The following MRPL4 variants were observed in gnomAD, a reference collection of about 807,000 sequenced individuals.
MRPL4 encodes the protein mitochondrial ribosomal protein L4, also known as large ribosomal subunit protein uL4m.
In MRPL4, 34 loss-of-function variants were observed where a neutral mutation model predicts 34.1. That is an observed-to-expected ratio of 1.00 (90% CI 0.76 to 1.33). The LOEUF (loss-of-function observed/expected upper bound fraction) is 1.33, where lower values mean the gene tolerates loss of function less well. Among genes scored for constraint, MRPL4 ranks in the 40% most tolerant of loss-of-function variants. MRPL4 has a pLI of 0.00. For synonymous variants in MRPL4, 196 were observed against 188.3 expected, an observed-to-expected ratio of 1.04 and a Z score of -0.33; for missense variants, 402 against 434.6, an observed-to-expected ratio of 0.92 and a Z score of 0.67.
At position 10,252,621 on chromosome 19, in the gene MRPL4, G is replaced by A; in HGVS notation, c.195G>A (p.Trp65Ter). The change falls in exon 3 of 9, where the codon TGG becomes TGA. Residue 65 changes from tryptophan (W) to a stop codon, truncating the protein, a stop_gained. Coordinates refer to ENST00000253099, the MANE Select transcript of MRPL4 (RefSeq NM_015956.3). LOFTEE classifies it high-confidence loss of function. Reference protein sequence around the residue: ...VPTHRRPVQAWVESLRGFEQE... With the variant: ...VPTHRRPVQA Reference sequence around the variant, plus strand: ...CTCATCGACGCCCAGTGCAGGCCTGGGTCGAGTCCTTGCGGGGCTTCGAGC... The same window carrying A: ...CTCATCGACGCCCAGTGCAGGCCTGAGTCGAGTCCTTGCGGGGCTTCGAGC... The A allele has an allele frequency of 1.9e-6, 3 of 1,612,064 alleles. No homozygotes were observed. Among genetic ancestry groups the A allele is most frequent in the South Asian group, 1.1e-5 (1 of 91,076 alleles).
chr19:10,256,865 G>GGGGGGGGGGGGGGGGGGGGT, intron 5 of MRPL4, 40 bp downstream of exon 5: 1 of 842,938 alleles, frequency 1.2e-6, no homozygotes, highest in Admixed American at 3.2e-5. Flanking sequence ...GGGGTGGGGG[G>GGGGGGGGGGGGGGGGGGGGT]GCCAGGGAAG....
intron 3 of MRPL4, among the ~76,000 whole-genome samples, chr19:10,253,791 C>A (rs1372540231): frequency 9.6e-5 from 14 of 146,216 alleles, no homozygotes; most frequent in African/African-American, 2.3e-4. Context: ...GACTCCATCT[C>A]AAAAAAAAAA....
chr19:10,252,748 G>C lies in MRPL4; in HGVS notation c.275+47G>C, dbSNP rs1836713069. The C allele has an allele frequency of 2.5e-6, 4 of 1,575,098 alleles. No individual in the cohort carries two copies. In the Middle Eastern group the frequency reaches 6.7e-4, roughly 264 times the overall value. On this transcript the variant is annotated intron_variant, in intron 3 of 8. Transcript: ENST00000253099. ...GAACTGAGTGGCAGAGGGATGAAGA[G>C]CGGGATTTCAGGAGTCACGATGACT...
chr19:10,254,707 A>G, intron 4 of MRPL4, 67 bp downstream of exon 4: 1 of 1,573,728 alleles, frequency 6.4e-7, no homozygotes, highest in Non-Finnish European at 8.7e-7. Flanking sequence ...TAGGACCCAG[A>G]GGAAGCCCAT....
intron 2 of MRPL4, 29 bp from the exon 3 acceptor site, chr19:10,252,522 C>G (rs762201750): frequency 1.2e-6 from 2 of 1,613,552 alleles, no homozygotes; most frequent in Admixed American, 1.7e-5. Flanking sequence ...ACCCTTGACC[C>G]TAACCTCTGA....
chr19:10,256,854 A>AGGGGGGGGGGGGGGGG, intron 5 of MRPL4, 29 bp downstream of exon 5: 1 of 38,598 alleles, frequency 2.6e-5, no homozygotes, highest in Non-Finnish European at 4.7e-5. Flanking sequence ...GGGGGCGGGG[A>AGGGGGGGGGGGGGGGG]GGGGTGGGGG....
Position 10,256,801 on chromosome 19 carries a change from ATCCGCTC to A in MRPL4, c.430_436del (p.Pro144GlyfsTer22). 1 of 1,314,914 alleles carries A rather than the reference ATCCGCTC, an allele frequency of 7.6e-7. No individual in the cohort carries two copies. The highest frequency in any genetic ancestry group is 5.7e-5 in the East Asian group (1 of 17,498). The allele number at this position is 1,314,914 out of a possible 1,614,324, so 81.5% of individuals were successfully genotyped here. ...CACTGGGCGGGCCCGGCATGGCAGC[ATCCGCTC>A]TCCGCTCTGGCGAGGAGGTAACAGG... On this transcript the variant is annotated frameshift_variant, in exon 5 of 9. Coordinates refer to ENST00000253099, the MANE Select transcript of MRPL4 (RefSeq NM_015956.3). LOFTEE classifies it high-confidence loss of function.
intron 5 of MRPL4, 35 bp from the exon 6 acceptor site, chr19:10,258,184 AGTG>A: frequency 6.9e-7 from 1 of 1,452,264 alleles, no homozygotes; most frequent in Non-Finnish European, 9.6e-7. Context: ...CAGGCTCTGC[AGTG>A]GCCCCTACCT....
At chr19:10,255,716 C>T (rs1442380554) in intron 4 of MRPL4, 1 of 152,618 alleles carries the variant, frequency 6.6e-6, no homozygotes, top group African/African-American at 2.4e-5. Context: ...GGCTCCCCAT[C>T]ACCCTAGGAA....
chr19:10,259,461 A>G (rs1457641149), intron 8 of MRPL4, 156 bp from the exon 9 acceptor site: 2 of 1,433,906 alleles, frequency 1.4e-6, no homozygotes, highest in African/African-American at 2.9e-5. Context: ...ACAAGCGGCC[A>G]GGCAGGGTCT....
At chr19:10,254,497 G>T in intron 3 of MRPL4, 92 bp from the exon 4 acceptor site, 1 of 1,488,688 alleles carries the variant, frequency 6.7e-7, no homozygotes, top group Non-Finnish European at 9.3e-7. Context: ...CCAGGGCCCT[G>T]GAGGCAGAAG....
At chr19:10,254,898 G>T in intron 4 of MRPL4, 1 of 278,920 alleles carries the variant, frequency 3.6e-6, no homozygotes, top group South Asian at 4.8e-5. Context: ...TCCGCTTCCT[G>T]GGTTCAAGCG....
intron 8 of MRPL4, 74 bp downstream of exon 8, chr19:10,258,759 G>C: frequency 1.2e-6 from 2 of 1,612,932 alleles, no homozygotes; most frequent in Non-Finnish European, 1.7e-6. Context: ...GTTCAAATCC[G>C]GCATCTGGTC....
At chr19:10,258,566 G>A (rs377059199) in intron 7 of MRPL4, 43 bp from the exon 8 acceptor site, 46 of 1,614,018 alleles carry the variant, frequency 2.9e-5, no homozygotes, top group African/African-American at 1.1e-4. Flanking sequence ...CCTGAGCTCC[G>A]TACTCTGAGG....
intron 8 of MRPL4, 91 bp downstream of exon 8, chr19:10,258,776 T>A: frequency 6.2e-7 from 1 of 1,611,294 alleles, no homozygotes; most frequent in Non-Finnish European, 8.5e-7. Flanking sequence ...GGTCGCTGAG[T>A]GGCCTCAGGC....
intron 3 of MRPL4, chr19:10,252,969 T>A (rs1344915887): frequency 2.2e-6 from 1 of 456,398 alleles, no homozygotes; most frequent in East Asian, 3.4e-5. Context: ...TCCCCTCTTG[T>A]CCCTCAGTGT....
upstream of MRPL4, chr19:10,252,166 GGCGGCGTCGCGTGCGTGACGTCATCCA>G (rs2039795862): frequency 2.1e-6 from 3 of 1,430,092 alleles, no homozygotes; most frequent in East Asian, 2.6e-5. Context: ...CGGCGGGTAG[GGCGGCGTCGCGTGCGTGACGTCATCCA>G]GCGGCGCCTC....
At chr19:10,258,113 TC>T (rs938589936) in intron 5 of MRPL4, 108 bp from the exon 6 acceptor site, 1 of 739,158 alleles carries the variant, frequency 1.4e-6, no homozygotes, top group African/African-American at 1.8e-5. Context: ...TCTGCCTTGT[TC>T]CTGGCAGCGC....
chr19:10,256,833 G>C lies in MRPL4; in HGVS notation c.445+8G>C, dbSNP rs377670668. On this transcript the variant is annotated splice_region_variant and intron_variant, in intron 5 of 8. Transcript: ENST00000253099. ...CTCCGCTCTGGCGAGGAGGTAACAG[G>C]ACAGGGTGGAGGGGGCGGGGAGGGG... is the stretch of plus-strand genomic sequence containing the variant. The C allele has an allele frequency of 9.5e-6, 11 of 1,154,992 alleles. No homozygotes were observed. The highest frequency in any genetic ancestry group is 1.3e-5 in the Non-Finnish European group (11 of 862,838). The allele number at this position is 1,154,992 out of a possible 1,614,324, so 71.5% of individuals were successfully genotyped here.
Sources: allele counts gnomAD v4.1 joint callset (sites outside exome capture counted in the v4.1 genomes callset), GRCh38; gene constraint gnomAD v4.1.1; transcripts MANE v1.5; gene names NCBI Gene and HGNC (gene_info 2026-07-23, HGNC 2026-07-21).